CPNE4: variants seen among roughly 807,000 people sequenced by gnomAD.
CPNE4 encodes the protein copine-4.
CPNE4 carries 25 observed loss-of-function variants against 67.9 expected under a neutral mutation model. That is an observed-to-expected ratio of 0.37 (90% CI 0.27 to 0.51). CPNE4 has a LOEUF of 0.51. Among genes scored for constraint, CPNE4 ranks in the 20% least tolerant of loss-of-function variants. The pLI, the probability that CPNE4 is intolerant of heterozygous loss-of-function variation, is 0.93. For missense variants in CPNE4, 464 were observed against 690.8 expected (o/e 0.67, Z 3.68); for synonymous variants, 242 against 244.9 (o/e 0.99, Z 0.11).
intron 7 of CPNE4, among the ~76,000 whole-genome samples, chr3:131,621,373 T>G (rs1940454708): frequency 6.6e-6 from 1 of 151,834 alleles, no homozygotes; most frequent in East Asian, 1.9e-4. Flanking sequence ...GCCTCTGGAG[T>G]AGCTAGGACC....
intron 7 of CPNE4, among the ~76,000 whole-genome samples, chr3:131,627,579 G>T (rs1326019949): frequency 6.6e-6 from 1 of 152,188 alleles, no homozygotes; most frequent in Non-Finnish European, 1.5e-5. Context: ...TGCTCTGATG[G>T]ATCTGGGCAA....
Position 131,802,155 on chromosome 3 carries a change from C to T in CPNE4, c.181-78530G>A, listed in dbSNP as rs114027367. ...GTAGAGTGCAAGACTTCCTTTCCAA[C>T]GGGCACCAGAGATTTGAGGCCGTAG... On this transcript the variant is annotated intron_variant, in intron 2 of 15. Transcript: ENST00000429747. Among the ~76,000 whole-genome samples the T allele has an allele frequency of 4.9e-3, 742 of 152,182 alleles. 4 individuals carry two copies. Among genetic ancestry groups the T allele is most frequent in the African/African-American group, 0.017 (692 of 41,504 alleles).
At chr3:131,653,365 G>T (rs369627915) in intron 7 of CPNE4, among the ~76,000 whole-genome samples, 1 of 151,792 alleles carries the variant, frequency 6.6e-6, no homozygotes, top group South Asian at 2.1e-4. Flanking sequence ...AGCCAGGATG[G>T]TCTCGATCTG....
At position 131,639,098 on chromosome 3, in the gene CPNE4, T is replaced by C. The variant is rs529706373; in HGVS notation, c.681+30577A>G. Reference sequence around the variant, plus strand: ...ATAGACAAGCTAAGGTCACATCACATGGAACTGGAGAAACAAGAACAATCG... The same window carrying C: ...ATAGACAAGCTAAGGTCACATCACACGGAACTGGAGAAACAAGAACAATCG... On this transcript the variant is annotated intron_variant, in intron 7 of 15. Coordinates refer to ENST00000429747, the MANE Select transcript of CPNE4 (RefSeq NM_130808.3). 7.2e-5 allele frequency among the ~76,000 whole-genome samples: 11 copies of C among 151,944 alleles called. No homozygotes were observed. The East Asian group carries it at 2.1e-3, about 29-fold the overall frequency.
chr3:131,920,118 G>A (rs1336359981), intron 1 of CPNE4, among the ~76,000 whole-genome samples: 4 of 152,190 alleles, frequency 2.6e-5, no homozygotes, highest in African/African-American at 9.6e-5. Context: ...AAATGCTGCA[G>A]GCCAAAGCCT....
intron 3 of CPNE4, among the ~76,000 whole-genome samples, chr3:131,722,857 C>CT (rs1297990776): frequency 6.6e-6 from 1 of 152,174 alleles, no homozygotes; most frequent in Non-Finnish European, 1.5e-5. Context: ...AACACTGCTA[C>CT]TTATTAGGTA....
chr3:131,802,432 T>A (rs73875019), intron 2 of CPNE4, among the ~76,000 whole-genome samples: 19,225 of 152,114 alleles, frequency 0.13, 1,378 homozygotes, highest in African/African-American at 0.18. Context: ...AACAGTAGAC[T>A]ATTACAAACT....
chr3:131,787,259 G>T (rs191022293), intron 2 of CPNE4, among the ~76,000 whole-genome samples: 2 of 152,282 alleles, frequency 1.3e-5, no homozygotes, highest in Non-Finnish European at 2.9e-5. Context: ...TGCAGAAGCA[G>T]ATGTTGAAGT....
intron 8 of CPNE4, among the ~76,000 whole-genome samples, chr3:131,583,943 C>A (rs1263370548): frequency 2.0e-5 from 3 of 152,144 alleles, no homozygotes; most frequent in Non-Finnish European, 4.4e-5. Context: ...CCAAAGCCTG[C>A]ACTATTAACC....
At chr3:131,627,978 T>C (rs914781937) in intron 7 of CPNE4, among the ~76,000 whole-genome samples, 2 of 152,220 alleles carry the variant, frequency 1.3e-5, no homozygotes, top group Non-Finnish European at 2.9e-5. Flanking sequence ...AATTAGTTGA[T>C]AAAGCAGTGA....
chr3:131,978,129 T>TAA (rs1560720609), intron 1 of CPNE4, among the ~76,000 whole-genome samples: 24 of 75,594 alleles, frequency 3.2e-4, no homozygotes, highest in African/African-American at 1.7e-3. Context: ...TAAATATATA[T>TAA]ATTTATATAA....
chr3:131,874,608 A>G (rs1006037789), intron 2 of CPNE4, among the ~76,000 whole-genome samples: 2 of 152,362 alleles, frequency 1.3e-5, no homozygotes, highest in African/African-American at 4.8e-5. Context: ...TAGAGATTAA[A>G]TGAATTTATG....
chr3:131,788,243 A>C (rs2083618662), intron 2 of CPNE4, among the ~76,000 whole-genome samples: 1 of 148,984 alleles, frequency 6.7e-6, no homozygotes, highest in South Asian at 2.1e-4. Context: ...ACAAATAAAC[A>C]ATTGAAAAAA....
At position 131,683,417 on chromosome 3, in the gene CPNE4, G is replaced by A. The variant is rs117615851; in HGVS notation, c.591+2458C>T. On this transcript the variant is annotated intron_variant, in intron 6 of 15. Coordinates refer to ENST00000429747, the MANE Select transcript of CPNE4 (RefSeq NM_130808.3). ...GGCCCAGGGTTTGTCTAGAAATGTCGTCTCGGAGCTACGGCCTGGAATGGG... is the reference window on the plus strand; with the variant it reads ...GGCCCAGGGTTTGTCTAGAAATGTCATCTCGGAGCTACGGCCTGGAATGGG... 6.2e-4 allele frequency among the ~76,000 whole-genome samples: 95 copies of A among 152,218 alleles called. No homozygotes were observed. In the East Asian group the frequency reaches 0.015, roughly 24 times the overall value.
At chr3:131,575,522 T>C (rs1201897924) in intron 9 of CPNE4, among the ~76,000 whole-genome samples, 1 of 152,154 alleles carries the variant, frequency 6.6e-6, no homozygotes, top group Admixed American at 6.6e-5. Context: ...ATTCTTAATA[T>C]GCAGGTAATT....
intron 2 of CPNE4, among the ~76,000 whole-genome samples, chr3:131,788,899 G>A (rs1414275553): frequency 6.6e-6 from 1 of 151,870 alleles, no homozygotes; most frequent in East Asian, 1.9e-4. Context: ...CAATGATTAT[G>A]TCGGGATGGT....
chr3:131,866,246 A>G (rs2086945666), intron 2 of CPNE4, among the ~76,000 whole-genome samples: 1 of 151,062 alleles, frequency 6.6e-6, no homozygotes, highest in Non-Finnish European at 1.5e-5. Flanking sequence ...GAGTCTCCAC[A>G]ACAGTGATGC....
At chr3:131,904,247 T>C (rs1251706859) in intron 2 of CPNE4, among the ~76,000 whole-genome samples, 2 of 152,112 alleles carry the variant, frequency 1.3e-5, no homozygotes, top group Admixed American at 6.6e-5. Context: ...GCTGGCCTTA[T>C]GAGCTTGTAG....
At chr3:131,556,749 C>T (rs1485807713) in intron 11 of CPNE4, among the ~76,000 whole-genome samples, 1 of 152,116 alleles carries the variant, frequency 6.6e-6, no homozygotes, top group Non-Finnish European at 1.5e-5. Context: ...TTTGAGTTAT[C>T]TTATGCACAC....
Sources: gnomAD v4.1 joint callset for allele counts (sites outside exome capture counted in the v4.1 genomes callset) on GRCh38, gnomAD v4.1.1 for gene constraint, MANE v1.5 for transcripts, NCBI Gene and HGNC (gene_info 2026-07-23, HGNC 2026-07-21) for gene names.